The following UGT1A5 variants were observed in gnomAD, a reference collection of about 807,000 sequenced individuals.
The protein encoded by UGT1A5 is UDP glucuronosyltransferase family 1 member A5.
UGT1A5 carries 29 observed loss-of-function variants against 40.3 expected under a neutral mutation model. The observed-to-expected ratio is 0.72, with a 90% CI of 0.54 to 0.98. The LOEUF (loss-of-function observed/expected upper bound fraction) is 0.98. UGT1A5 is among the 50% of genes least tolerant of loss of function. UGT1A5 has a pLI of 0.00. For synonymous variants in UGT1A5, 257 were observed against 262.5 expected, an observed-to-expected ratio of 0.98 and a Z score of 0.20; for missense variants, 678 against 677.9, an observed-to-expected ratio of 1.00 and a Z score of 0.00.
At chr2:233,732,341 T>G (rs1447704725) in intron 1 of UGT1A5, among the ~76,000 whole-genome samples, 1 of 152,268 alleles carries the variant, frequency 6.6e-6, no homozygotes, top group East Asian at 1.9e-4. Flanking sequence ...TTGCTTTTGG[T>G]GTTTTAGTCA....
chr2:233,720,776 G>A (rs569960725), intron 1 of UGT1A5, among the ~76,000 whole-genome samples: 7 of 148,022 alleles, frequency 4.7e-5, no homozygotes, highest in Admixed American at 2.0e-4. Flanking sequence ...CCGGATCTCC[G>A]CTCACTGCAA....
At chr2:233,718,708 A>G (rs1400639249) in intron 1 of UGT1A5, 2 of 1,605,214 alleles carry the variant, frequency 1.2e-6, no homozygotes, top group Non-Finnish European at 1.7e-6. Context: ...TTTGTCTTCC[A>G]ATTACATGCT....
At chr2:233,751,711 C>G (rs1187587643) in intron 1 of UGT1A5, among the ~76,000 whole-genome samples, 1 of 152,190 alleles carries the variant, frequency 6.6e-6, no homozygotes, top group Non-Finnish European at 1.5e-5. Context: ...TCCTCCTTCA[C>G]TCACAAGTGA....
At chr2:233,714,989 G>A (rs1270909733) in intron 1 of UGT1A5, among the ~76,000 whole-genome samples, 3 of 152,078 alleles carry the variant, frequency 2.0e-5, no homozygotes, top group South Asian at 2.1e-4. Flanking sequence ...TGATTCTCCT[G>A]CCTCAGCCTC....
intron 1 of UGT1A5, chr2:233,760,677 A>G (rs555950591): frequency 6.2e-7 from 1 of 1,614,148 alleles, no homozygotes; most frequent in Non-Finnish European, 8.5e-7. Context: ...GTTCCCACTT[A>G]CTGCACAACA....
chr2:233,716,607 TGA>T (rs967387624), intron 1 of UGT1A5, among the ~76,000 whole-genome samples: 38 of 152,324 alleles, frequency 2.5e-4, no homozygotes, highest in South Asian at 6.2e-4. Flanking sequence ...TAGAATTTGA[TGA>T]GGTTTATTCT....
intron 1 of UGT1A5, chr2:233,752,620 G>A (rs1390592836): frequency 7.2e-5 from 11 of 152,184 alleles, no homozygotes; most frequent in Non-Finnish European, 2.9e-5. Flanking sequence ...TTAGCTAGGT[G>A]TGGTAGCTGT....
At chr2:233,748,890 T>C (rs1434847115) in intron 1 of UGT1A5, among the ~76,000 whole-genome samples, 1 of 151,534 alleles carries the variant, frequency 6.6e-6, no homozygotes, top group African/African-American at 2.4e-5. Flanking sequence ...TGGACATGTG[T>C]CCAAGAAGGG....
intron 1 of UGT1A5, among the ~76,000 whole-genome samples, chr2:233,725,714 T>C (rs572434706): frequency 1.3e-5 from 2 of 152,238 alleles, no homozygotes; most frequent in East Asian, 3.8e-4. Flanking sequence ...GTGACTACCA[T>C]ATGGTCAATG....
At chr2:233,714,126 C>T (rs866787079) in intron 1 of UGT1A5, among the ~76,000 whole-genome samples, 2 of 152,016 alleles carry the variant, frequency 1.3e-5, no homozygotes, top group Admixed American at 6.5e-5. Context: ...GGAGACTGTT[C>T]GTTTGTAAAA....
chr2:233,766,907 C>G (rs1383334189), intron 1 of UGT1A5, 127 bp from the exon 2 acceptor site: 28 of 1,506,666 alleles, frequency 1.9e-5, no homozygotes, highest in African/African-American at 1.4e-5. Flanking sequence ...TAATTTTTTA[C>G]TCTATCTCAA....
At position 233,724,532 on chromosome 2, in the gene UGT1A5, G is replaced by A. The variant is rs1443471428; in HGVS notation, c.867+10674G>A. On this transcript the variant is annotated intron_variant, in intron 1 of 4. Transcript: ENST00000373414. ...CTCACCTCCCAGATGGGGTCTCGCCGGGCAGAGGCGCTCCTCACATCCCAG... is the reference window on the plus strand; with the variant it reads ...CTCACCTCCCAGATGGGGTCTCGCCAGGCAGAGGCGCTCCTCACATCCCAG... Among the ~76,000 whole-genome samples the A allele has an allele frequency of 4.9e-5, 6 of 123,286 alleles. No individual in the cohort carries two copies. In the East Asian group the frequency reaches 7.5e-4, roughly 15 times the overall value. 80.9% of individuals were successfully genotyped at this position (123,286 alleles called of 152,430 possible). A position where few individuals can be genotyped will look rare whatever the true frequency, so the allele number is the denominator to read the frequency against.
At chr2:233,747,315 A>G (rs1575682403) in intron 1 of UGT1A5, 17 of 1,603,040 alleles carry the variant, frequency 1.1e-5, no homozygotes, top group Admixed American at 6.7e-5. Flanking sequence ...TGCTGGTGGT[A>G]CCCATTGATG....
intron 1 of UGT1A5, chr2:233,717,692 T>TTC: frequency 2.3e-6 from 1 of 443,544 alleles, no homozygotes; most frequent in Non-Finnish European, 4.6e-6. Context: ...AGGAGTGACT[T>TTC]TCTGGAGCAG....
chr2:233,741,050 G>A (rs1276633164), intron 1 of UGT1A5, among the ~76,000 whole-genome samples: 2 of 151,768 alleles, frequency 1.3e-5, no homozygotes, highest in African/African-American at 4.9e-5. Context: ...TCTTGCCTAG[G>A]TAACAGCTAC....
chr2:233,759,135 A>G (rs1346504675), intron 1 of UGT1A5, among the ~76,000 whole-genome samples: 1 of 152,234 alleles, frequency 6.6e-6, no homozygotes, highest in African/African-American at 2.4e-5. Flanking sequence ...CTGGTACGCA[A>G]TGAAGGTGAG....
intron 4 of UGT1A5, among the ~76,000 whole-genome samples, chr2:233,771,794 C>G (rs913626995): frequency 6.8e-6 from 1 of 146,546 alleles, no homozygotes; most frequent in Non-Finnish European, 1.5e-5. Flanking sequence ...CTCCCTCCCT[C>G]CCTCCCTCCC....
chr2:233,751,629 C>A (rs1156397424), intron 1 of UGT1A5, among the ~76,000 whole-genome samples: 1 of 152,162 alleles, frequency 6.6e-6, no homozygotes, highest in African/African-American at 2.4e-5. Context: ...ATCATGTGTG[C>A]AGTTTCCCCC....
At chr2:233,742,458 C>T (rs1691985678) in intron 1 of UGT1A5, among the ~76,000 whole-genome samples, 1 of 151,914 alleles carries the variant, frequency 6.6e-6, no homozygotes, top group African/African-American at 2.4e-5. Context: ...GTTCCTTGCC[C>T]TTATTCCAGT....
Sources: gnomAD v4.1 joint callset for allele counts (sites outside exome capture counted in the v4.1 genomes callset) on GRCh38, gnomAD v4.1.1 for gene constraint, MANE v1.5 for transcripts, NCBI Gene and HGNC (gene_info 2026-07-23, HGNC 2026-07-21) for gene names.